SCP2: variants seen among roughly 807,000 people sequenced by gnomAD.
SCP2 encodes the protein SCP-2/3-oxoacyl-CoA thiolase.
SCP2 carries 48 observed loss-of-function variants against 71.4 expected under a neutral mutation model. That is an observed-to-expected ratio of 0.67 (90% CI 0.53 to 0.86). SCP2 has a LOEUF of 0.86. Among genes scored for constraint, SCP2 ranks in the 40% least tolerant of loss-of-function variants. SCP2 has a pLI of 0.00. For missense variants in SCP2, 560 were observed against 655.6 expected, an observed-to-expected ratio of 0.85 and a Z score of 1.59; for synonymous variants, 220 against 218.1, an observed-to-expected ratio of 1.01 and a Z score of -0.08.
At position 53,046,383 on chromosome 1, in the gene SCP2, C is replaced by G. The variant is rs531156189; in HGVS notation, c.1469-1475C>G. 2.7e-5 allele frequency among the ~76,000 whole-genome samples: 4 copies of G among 149,952 alleles called. No homozygotes were observed. In the South Asian group the frequency reaches 8.4e-4, roughly 32 times the overall value. On this transcript the variant is annotated intron_variant, in intron 14 of 15. Transcript: ENST00000371514. ...CATTTGTTCTAGTAGGTATGTGGCA[C>G]TCATCATGATTTTAATGTGAATTTT...
intron 11 of SCP2, chr1:52,995,896 C>A: frequency 6.8e-7 from 1 of 1,480,872 alleles, no homozygotes; most frequent in Non-Finnish European, 9.1e-7. Context: ...CAGCTGAGGG[C>A]ATGGATGAGA....
chr1:52,991,462 G>A (rs544438651), intron 11 of SCP2, among the ~76,000 whole-genome samples: 73 of 151,330 alleles, frequency 4.8e-4, no homozygotes, highest in Non-Finnish European at 9.3e-4. Context: ...GCGCAGTAGC[G>A]CGATCTTGGC....
intron 13 of SCP2, among the ~76,000 whole-genome samples, chr1:53,037,964 C>CACACACACACATCCAGATCCTGTCTCTAT (rs1553155317): frequency 1.1e-5 from 1 of 92,578 alleles, no homozygotes; most frequent in Admixed American, 9.2e-5. Flanking sequence ...CACACACACA[C>CACACACACACATCCAGATCCTGTCTCTAT]ACACACACAC....
intron 1 of SCP2, among the ~76,000 whole-genome samples, chr1:52,934,325 T>G (rs1394206117): frequency 6.6e-6 from 1 of 152,116 alleles, no homozygotes; most frequent in Non-Finnish European, 1.5e-5. Flanking sequence ...AATTTTTTTT[T>G]TGTTTTTTAA....
chr1:53,048,685 C>G (rs1222398696), intron 15 of SCP2: 1 of 153,418 alleles, frequency 6.5e-6, no homozygotes, highest in African/African-American at 2.4e-5. Flanking sequence ...ATTCTGTAAA[C>G]AACTGTTGGA....
intron 1 of SCP2, among the ~76,000 whole-genome samples, chr1:52,935,932 T>G (rs1429382668): frequency 6.6e-6 from 1 of 151,910 alleles, no homozygotes; most frequent in Non-Finnish European, 1.5e-5. Context: ...AGCAAGAACC[T>G]GTCTTGAAAA....
chr1:52,978,049 C>T (rs1658139426), intron 8 of SCP2, among the ~76,000 whole-genome samples, 168 bp from the exon 9 acceptor site: 1 of 152,076 alleles, frequency 6.6e-6, no homozygotes, highest in South Asian at 2.1e-4. Flanking sequence ...GAGGTTCAGT[C>T]CTCAGGTGGG....
intron 10 of SCP2, among the ~76,000 whole-genome samples, chr1:52,981,874 A>C (rs1658532126): frequency 6.6e-6 from 1 of 151,990 alleles, no homozygotes; most frequent in Non-Finnish European, 1.5e-5. Flanking sequence ...TATTTAGATA[A>C]TTAATGTAAT....
intron 6 of SCP2, among the ~76,000 whole-genome samples, chr1:52,962,400 C>T (rs985338198): frequency 5.9e-5 from 9 of 152,088 alleles, no homozygotes; most frequent in Non-Finnish European, 8.8e-5. Context: ...GGTTTCTCTA[C>T]TTCTGCTTGT....
chr1:53,041,149 A>G (rs1414293838), intron 14 of SCP2, among the ~76,000 whole-genome samples: 1 of 152,140 alleles, frequency 6.6e-6, no homozygotes, highest in African/African-American at 2.4e-5. Flanking sequence ...CACGCCTGTA[A>G]TCCTAGCACT....
intron 4 of SCP2, among the ~76,000 whole-genome samples, chr1:52,954,027 T>A (rs1655570453): frequency 6.6e-6 from 1 of 150,700 alleles, no homozygotes; most frequent in Non-Finnish European, 1.5e-5. Flanking sequence ...AAAACCTTTG[T>A]GGTGCCGGGC....
chr1:53,009,983 T>C (rs1014340779), intron 11 of SCP2, among the ~76,000 whole-genome samples: 8 of 152,082 alleles, frequency 5.3e-5, no homozygotes, highest in African/African-American at 1.9e-4. Flanking sequence ...GAACAGACAC[T>C]CCTCAAAAGA....
chr1:52,962,408 T>A (rs912385867), intron 6 of SCP2, among the ~76,000 whole-genome samples: 5 of 152,122 alleles, frequency 3.3e-5, no homozygotes, highest in Non-Finnish European at 5.9e-5. Context: ...TACTTCTGCT[T>A]GTGCACCTCC....
chr1:52,987,006 A>ATATATTTTTTTTTTTTTTTTTT (rs1386745740), intron 10 of SCP2, among the ~76,000 whole-genome samples: 1 of 110,506 alleles, frequency 9.0e-6, no homozygotes, highest in African/African-American at 4.0e-5. Context: ...ATATATATAT[A>ATATATTTTTTTTTTTTTTTTTT]TTTTTTTTTT....
At chr1:52,989,715 C>T (rs1298951541) in intron 11 of SCP2, among the ~76,000 whole-genome samples, 1 of 152,148 alleles carries the variant, frequency 6.6e-6, no homozygotes, top group East Asian at 1.9e-4. Context: ...CGAGAAAAAT[C>T]AGCCACAACT....
At chr1:52,984,926 C>G (rs2150181348) in intron 10 of SCP2, among the ~76,000 whole-genome samples, 1 of 147,272 alleles carries the variant, frequency 6.8e-6, no homozygotes, top group South Asian at 2.2e-4. Context: ...TGCAACCTCC[C>G]CTTCTCAGGT....
chr1:52,971,687 G>A (rs977402814), intron 6 of SCP2, among the ~76,000 whole-genome samples: 3 of 152,340 alleles, frequency 2.0e-5, no homozygotes, highest in Non-Finnish European at 4.4e-5. Flanking sequence ...AATAGACTGA[G>A]TGGAGAAACC....
chr1:53,013,446 A>AAAAAAAAT (rs1254410578), intron 11 of SCP2, among the ~76,000 whole-genome samples: 2 of 109,946 alleles, frequency 1.8e-5, no homozygotes, highest in Admixed American at 1.1e-4. Context: ...AAAAAAAAAA[A>AAAAAAAAT]TAGCTGGGAG....
intron 7 of SCP2, among the ~76,000 whole-genome samples, chr1:52,976,388 A>G (rs1657971153): frequency 1.3e-5 from 2 of 152,194 alleles, no homozygotes; most frequent in Admixed American, 1.3e-4. Flanking sequence ...AAGGCCCACC[A>G]TAAGTGACCT....
Sources: gnomAD v4.1 joint callset for allele counts (sites outside exome capture counted in the v4.1 genomes callset) on GRCh38, gnomAD v4.1.1 for gene constraint, MANE v1.5 for transcripts, NCBI Gene and HGNC (gene_info 2026-07-23, HGNC 2026-07-21) for gene names.